Variants in PTPN3 observed in about 807,000 individuals in gnomAD.
PTPN3 encodes protein tyrosine phosphatase non-receptor type 3, also known as tyrosine-protein phosphatase non-receptor type 3.
PTPN3 carries 96 observed loss-of-function variants against 132.7 expected under a neutral mutation model. The observed-to-expected ratio is 0.72, with a 90% confidence interval of 0.61 to 0.86. PTPN3 has a LOEUF of 0.86. Among genes scored for constraint, PTPN3 ranks in the 40% least tolerant of loss-of-function variants. The probability of loss-of-function intolerance (pLI) is 0.00; values close to 1 mark genes in which losing one functional copy is unlikely to be tolerated. For missense variants in PTPN3, 1,125 were observed against 1,159.6 expected, an observed-to-expected ratio of 0.97 and a Z score of 0.43; for synonymous variants, 398 against 429.0, an observed-to-expected ratio of 0.93 and a Z score of 0.89.
intron 10 of PTPN3, among the ~76,000 whole-genome samples, chr9:109,431,321 G>C (rs1843650595): frequency 6.6e-6 from 1 of 152,250 alleles, no homozygotes; most frequent in Non-Finnish European, 1.5e-5. Flanking sequence ...TCCAGCCCTT[G>C]TCTGTGGGCC....
At chr9:109,511,765 A>G in the PTPN3 span, among the ~76,000 whole-genome samples, 228 of 152,302 alleles carry the variant, frequency 1.5e-3, 7 homozygotes, top group Middle Eastern at 3.4e-3. Context: ...GTTACCAGCA[A>G]TGGATAACTG....
intron 2 of PTPN3, among the ~76,000 whole-genome samples, chr9:109,460,532 C>T (rs1270984166): frequency 6.6e-6 from 1 of 152,130 alleles, no homozygotes; most frequent in African/African-American, 2.4e-5. Context: ...CTGCTACCCT[C>T]CCCCCTTGCT....
chr9:109,470,293 G>C (rs560018155), intron 1 of PTPN3, among the ~76,000 whole-genome samples: 1 of 152,156 alleles, frequency 6.6e-6, no homozygotes, highest in South Asian at 2.1e-4. Context: ...GTTGCATTAT[G>C]TGGTATCGAG....
chr9:109,428,499 T>C (rs1408667202), intron 11 of PTPN3, 122 bp downstream of exon 11: 4 of 972,048 alleles, frequency 4.1e-6, no homozygotes, highest in East Asian at 5.2e-5. Context: ...TAGTCCCAGC[T>C]ACTTGGGAGG....
rs970581292 is a variant in PTPN3, at chr9:109,492,775, C to T, written c.-18+5444G>A. 5.3e-4 allele frequency among the ~76,000 whole-genome samples: 81 copies of T among 152,298 alleles called. 2 individuals are homozygous for T. Among genetic ancestry groups the T allele is most frequent in the Admixed American group, 5.2e-3 (79 of 15,294 alleles). ...AAAACTGCCTGTTATAACCTAAAAC[C>T]AGTTTTATTTAATAACTACTGAAAC... On this transcript the variant is annotated intron_variant, in intron 1 of 25. Coordinates refer to ENST00000374541, the MANE Select transcript of PTPN3 (RefSeq NM_002829.4).
chr9:109,485,651 C>T (rs182802399), intron 1 of PTPN3, among the ~76,000 whole-genome samples: 2 of 152,362 alleles, frequency 1.3e-5, no homozygotes, highest in East Asian at 3.9e-4. Flanking sequence ...CCAGTCTTTC[C>T]TGACGGAATC....
At chr9:109,441,489 G>C (rs765373593) in intron 7 of PTPN3, among the ~76,000 whole-genome samples, 5 of 152,066 alleles carry the variant, frequency 3.3e-5, no homozygotes, top group Non-Finnish European at 7.4e-5. Context: ...GTGCACCCCT[G>C]GTGGCCATCT....
chr9:109,493,978 G>C (rs1847573346), intron 1 of PTPN3, among the ~76,000 whole-genome samples: 1 of 152,258 alleles, frequency 6.6e-6, no homozygotes, highest in Non-Finnish European at 1.5e-5. Context: ...AATAAGTACA[G>C]ATTAGTGCTG....
chr9:109,391,867 A>G lies in PTPN3; in HGVS notation c.1954-306T>C, dbSNP rs956918916. Among the ~76,000 whole-genome samples the G allele has an allele frequency of 2.5e-4, 6 of 23,584 alleles. No homozygotes were observed. In the South Asian group the frequency reaches 4.7e-3, roughly 18 times the overall value. 15.5% of individuals were successfully genotyped at this position (23,584 alleles called of 152,430 possible). On this transcript the variant is annotated intron_variant, in intron 19 of 25. Transcript: ENST00000374541. Reference sequence around the variant, plus strand: ...TTTGACAAGAGCTAAAAGCAACTAGATGTGGGGGGGGGGGGGAAGAATTCT... The same window carrying G: ...TTTGACAAGAGCTAAAAGCAACTAGGTGTGGGGGGGGGGGGGAAGAATTCT...
intron 1 of PTPN3, among the ~76,000 whole-genome samples, chr9:109,497,974 C>T (rs1299569569): frequency 6.8e-6 from 1 of 146,138 alleles, no homozygotes; most frequent in Non-Finnish European, 1.5e-5. Context: ...CCCGCCCCGG[C>T]CGAGCCCCAC....
chr9:109,384,631 C>G (rs1839411948), intron 22 of PTPN3, among the ~76,000 whole-genome samples: 1 of 152,218 alleles, frequency 6.6e-6, no homozygotes, highest in Non-Finnish European at 1.5e-5. Flanking sequence ...GGCTGTCCAT[C>G]CCATCATAGA....
rs1251560325 is a variant in PTPN3 at position 109,377,451 on chromosome 9, CACACACAA to C, written c.*2097_*2104del. 5.2e-3 allele frequency: 660 copies of C among 128,124 alleles called. 8 individuals are homozygous for C. Among genetic ancestry groups the C allele is most frequent in the African/African-American group, 0.019 (645 of 34,418 alleles). The allele number at this position is 128,124 out of a possible 1,614,324, so 7.9% of individuals were successfully genotyped here. On this transcript the variant is annotated 3_prime_UTR_variant, in exon 26 of 26. Transcript: ENST00000374541. ...ACACACACACACACACACACACACA[CACACACAA>C]GCCAGGTGAGGTGGCATGTGCCTAT... is the stretch of plus-strand genomic sequence containing the variant.
At chr9:109,462,071 G>A (rs1385660421) in intron 2 of PTPN3, among the ~76,000 whole-genome samples, 1 of 152,242 alleles carries the variant, frequency 6.6e-6, no homozygotes, top group Non-Finnish European at 1.5e-5. Context: ...CTGACACTGG[G>A]GAATAGCTGG....
At chr9:109,452,848 G>A (rs1042237001) in intron 5 of PTPN3, among the ~76,000 whole-genome samples, 1 of 152,190 alleles carries the variant, frequency 6.6e-6, no homozygotes, top group African/African-American at 2.4e-5. Context: ...ACAAGTATGA[G>A]CCACCATGCC....
intron 22 of PTPN3, 77 bp from the exon 23 acceptor site, chr9:109,383,628 C>T (rs1484816469): frequency 7.7e-6 from 12 of 1,558,984 alleles, no homozygotes; most frequent in East Asian, 6.8e-5. Context: ...GACAGGTGGA[C>T]GGGTTAGGCA....
At chr9:109,398,247 T>C (rs1429133512) in intron 19 of PTPN3, among the ~76,000 whole-genome samples, 6 of 152,226 alleles carry the variant, frequency 3.9e-5, no homozygotes, top group African/African-American at 1.2e-4. Flanking sequence ...CACACACTGC[T>C]GCACTCCTGC....
In PTPN3 at chr9:109,389,971, C is replaced by T. The variant is rs138748623; in HGVS notation, c.2107-592G>A. 1.3e-3 allele frequency among the ~76,000 whole-genome samples: 196 copies of T among 152,276 alleles called. 1 individual carries two copies. Among genetic ancestry groups the T allele is most frequent in the African/African-American group, 4.4e-3 (181 of 41,562 alleles). ...TGCCCTCTGGACTGAGTCCTTTTGA[C>T]GAAAGAACACTCAGAACCTGCTGAG... is the stretch of plus-strand genomic sequence containing the variant. On this transcript the variant is annotated intron_variant, in intron 21 of 25. Transcript: ENST00000374541.
intron 1 of PTPN3, among the ~76,000 whole-genome samples, chr9:109,485,419 A>G (rs1847162211): frequency 6.6e-6 from 1 of 152,112 alleles, no homozygotes; most frequent in Admixed American, 6.5e-5. Context: ...GAGGCAGGAG[A>G]ACGGCGTGAA....
chr9:109,534,432 T>C, the PTPN3 span: 2 of 1,346,688 alleles, frequency 1.5e-6, no homozygotes, highest in Non-Finnish European at 1.9e-6. Context: ...TGCTCAGGGC[T>C]CTCTGGGGTC....
Sources: gnomAD v4.1 joint callset for allele counts (sites outside exome capture counted in the v4.1 genomes callset) on GRCh38, gnomAD v4.1.1 for gene constraint, MANE v1.5 for transcripts, NCBI Gene and HGNC (gene_info 2026-07-23, HGNC 2026-07-21) for gene names.